The following DNM1L variants were observed in gnomAD, a reference collection of about 807,000 sequenced individuals.
DNM1L encodes the protein dynamin 1L, also known as dynamin-1-like protein.
DNM1L carries 33 observed loss-of-function variants against 92.8 expected under a neutral mutation model. The observed-to-expected ratio is 0.36, with a 90% CI of 0.27 to 0.48. The LOEUF is 0.48. Ranked by LOEUF, DNM1L falls within the 20% of genes least tolerant of loss-of-function variation. DNM1L has a pLI of 0.99. For synonymous variants in DNM1L, 284 were observed against 305.0 expected (o/e 0.93, Z 0.72); for missense variants, 485 against 888.8 (o/e 0.55, Z 5.78).
At chr12:32,716,764 A>ATATG (rs1467859341) in intron 6 of DNM1L, among the ~76,000 whole-genome samples, 3 of 146,226 alleles carry the variant, frequency 2.1e-5, no homozygotes, top group Non-Finnish European at 4.5e-5. Context: ...ATATATATAT[A>ATATG]GTAACTGAAA....
chr12:32,703,161 T>C (rs1952782422), intron 2 of DNM1L, among the ~76,000 whole-genome samples: 1 of 152,044 alleles, frequency 6.6e-6, no homozygotes, highest in Admixed American at 6.6e-5. Context: ...TTTCCTTAGA[T>C]AAAATTGTGC....
At position 32,705,880 on chromosome 12, in the gene DNM1L, T is replaced by TGCTTTTGA. The variant is rs1952903055; in HGVS notation, c.251-1486_251-1479dup. 1.9e-6 allele frequency: 3 copies of TGCTTTTGA among 1,597,200 alleles called. No individual in the cohort carries two copies. The African/African-American group carries it at 4.0e-5, about 21-fold the overall frequency. ...TTTCTAAAGGTTTCCTTTATCCATT[T>TGCTTTTGA]GCTTTTGACCCTTTTTTTCTCTTAT... On this transcript the variant is annotated intron_variant, in intron 2 of 19. Transcript: ENST00000549701.
chr12:32,718,823 C>T (rs1486032023), intron 7 of DNM1L, 60 bp downstream of exon 7: 5 of 1,603,676 alleles, frequency 3.1e-6, no homozygotes, highest in Non-Finnish European at 4.3e-6. Flanking sequence ...GATAAGCATT[C>T]TCACTTCAGA....
At chr12:32,727,261 G>A (rs1252688687) in intron 9 of DNM1L, 2 of 1,455,076 alleles carry the variant, frequency 1.4e-6, no homozygotes, top group Admixed American at 3.3e-5. Flanking sequence ...TCAAGATCGT[G>A]AACTTCCTCA....
At chr12:32,726,782 C>G in intron 9 of DNM1L, 1 of 619,988 alleles carries the variant, frequency 1.6e-6, no homozygotes. Flanking sequence ...CTATCTGGCC[C>G]CCTGTACAAC....
chr12:32,695,379 CA>C (rs2137269317), intron 1 of DNM1L, among the ~76,000 whole-genome samples: 1 of 152,106 alleles, frequency 6.6e-6, no homozygotes, highest in Admixed American at 6.5e-5. Context: ...GATATTAAGA[CA>C]AAAGGCAAGA....
At position 32,739,988 on chromosome 12, in the gene DNM1L, G is replaced by A. The variant is rs527753358; in HGVS notation, c.1708-76G>A. The A allele has an allele frequency of 1.9e-5, 31 of 1,592,176 alleles. 1 individual carries two copies. The African/African-American group carries it at 3.6e-4, about 19-fold the overall frequency. ...GGGTACTGGATGTATATTGACTACT[G>A]TCAAATAAAATGAACTTTGTTTTAG... is the stretch of plus-strand genomic sequence containing the variant. On this transcript the variant is annotated intron_variant, in intron 16 of 19. Transcript: ENST00000549701.
intron 9 of DNM1L, among the ~76,000 whole-genome samples, chr12:32,724,256 T>C (rs1245880692): frequency 1.3e-5 from 2 of 152,008 alleles, no homozygotes; most frequent in African/African-American, 4.8e-5. Flanking sequence ...CCTTGTGAAA[T>C]AGTGCATCCA....
rs1397792652 is a variant in DNM1L at position 32,745,308 on chromosome 12, A to C, written c.*1898A>C. 2 of 226,064 alleles carry C rather than the reference A, an allele frequency of 8.8e-6. No individual in the cohort carries two copies. The highest frequency in any genetic ancestry group is 1.7e-5 in the Non-Finnish European group (2 of 115,640). 14.0% of individuals were successfully genotyped at this position (226,064 alleles called of 1,614,324 possible). A position where few individuals can be genotyped will look rare whatever the true frequency, so the allele number is the denominator to read the frequency against. On this transcript the variant is annotated 3_prime_UTR_variant, in exon 20 of 20. Transcript: ENST00000549701. ...GGAAAAAAAACAAAAACAAAAACTT[A>C]CGATGCACTTTTCTCCAGCACATCA...
At chr12:32,715,467 TCA>T (rs1231763256) in intron 6 of DNM1L, among the ~76,000 whole-genome samples, 3 of 152,028 alleles carry the variant, frequency 2.0e-5, no homozygotes, top group African/African-American at 7.2e-5. Flanking sequence ...GCATGGTGGC[TCA>T]CACTTGTAAT....
At chr12:32,722,768 T>C in intron 9 of DNM1L, 135 bp downstream of exon 9, 1 of 686,076 alleles carries the variant, frequency 1.5e-6, no homozygotes. Context: ...TTTGTAGAGA[T>C]AATAGGATGA....
intron 6 of DNM1L, 59 bp from the exon 7 acceptor site, chr12:32,718,584 G>A: frequency 1.2e-6 from 2 of 1,602,690 alleles, no homozygotes; most frequent in Non-Finnish European, 1.7e-6. Context: ...CTAAATAGTT[G>A]TATTTAATGG....
In DNM1L at chr12:32,740,448, C is replaced by T. The variant is rs1402323944; in HGVS notation, c.1924C>T (p.Arg642Ter). Residue 642 changes from arginine to a stop codon, truncating the protein, a stop_gained, in exon 18 of 20, where the codon CGA becomes TGA. Transcript: ENST00000549701. LOFTEE classifies it high-confidence loss of function. ...VARKLSAREQ[R>*]DCEVIERLIK... ...ACGAAAACTATCTGCTCGGGAACAG[C>T]GAGATTGTGAGGTTATTGAACGACT... The T allele has an allele frequency of 2.5e-6, 4 of 1,613,834 alleles. No individual in the cohort carries two copies. The highest frequency in any genetic ancestry group is 1.7e-5 in the Admixed American group (1 of 59,982).
rs780252977 is a variant in DNM1L at position 32,713,364 on chromosome 12, T to G, written c.612T>G (p.Asp204Glu). 1 of 1,613,894 alleles carries G rather than the reference T, an allele frequency of 6.2e-7. No individual in the cohort carries two copies. The highest frequency in any genetic ancestry group is 1.7e-5 in the Admixed American group (1 of 60,014). The change falls in exon 6 of 20, where the codon GAT (aspartate) becomes GAG (glutamate). Residue 204 changes from aspartate (D) to glutamate (E), a missense_variant. This residue lies in a region of DNM1L where 159 missense variants were observed against 275.9 expected (regional missense o/e 0.58). Transcript: ENST00000549701. ...CACTTAAAATTTCAAGAGAGGTAGA[T>G]CCAGATGGTAAGGACAGATGTTAAT... is the stretch of plus-strand genomic sequence containing the variant. ...SEALKISREV[D>E]PDGRRTLAVI...
Position 32,726,784 on chromosome 12 carries a change from CT to C in DNM1L, c.1079+4152del, listed in dbSNP as rs1185478513. On this transcript the variant is annotated intron_variant, in intron 9 of 19. Transcript: ENST00000549701. ...CCTTTTTTCCAATCTATCTGGCCCC[CT>C]GTACAACCCATAATTTCTTGTCCAT... is the stretch of plus-strand genomic sequence containing the variant. The C allele has an allele frequency of 6.6e-5, 41 of 620,366 alleles. No homozygotes were observed. In the East Asian group the frequency reaches 1.0e-3, roughly 16 times the overall value. The allele number at this position is 620,366 out of a possible 1,614,324, so 38.4% of individuals were successfully genotyped here. A position where few individuals can be genotyped will look rare whatever the true frequency, so the allele number is the denominator to read the frequency against.
At chr12:32,717,366 ATATATATACTATATATAATAT>A (rs1953481284) in intron 6 of DNM1L, among the ~76,000 whole-genome samples, 1 of 63,356 alleles carries the variant, frequency 1.6e-5, no homozygotes, top group African/African-American at 7.3e-5. Flanking sequence ...AGTATATATA[ATATATATACTATATATAATAT>A]ATAGTATATA....
Position 32,701,173 on chromosome 12 carries a change from G to A in DNM1L, c.103-242G>A, listed in dbSNP as rs1280703359. 9.2e-5 allele frequency among the ~76,000 whole-genome samples: 14 copies of A among 152,086 alleles called. 1 individual carries two copies. The highest frequency in any genetic ancestry group is 8.5e-4 in the Admixed American group (13 of 15,262). ...CGCCTGTAATCCCAGCTACTTGGGAGGTTGAGGCAGGAGAATCGCTTGAAC... is the reference window on the plus strand; with the variant it reads ...CGCCTGTAATCCCAGCTACTTGGGAAGTTGAGGCAGGAGAATCGCTTGAAC... On this transcript the variant is annotated intron_variant, in intron 1 of 19. Coordinates refer to ENST00000549701, the MANE Select transcript of DNM1L (RefSeq NM_012062.5).
chr12:32,726,302 A>G, intron 9 of DNM1L: 1 of 1,245,366 alleles, frequency 8.0e-7, no homozygotes, highest in South Asian at 1.2e-5. Context: ...AGAAAATACA[A>G]AAACATAAGG....
Position 32,740,458 on chromosome 12 carries a change from AGGTTATT to A in DNM1L, c.1936_1942del (p.Val646AsnfsTer23). The A allele has an allele frequency of 6.2e-7, 1 of 1,614,102 alleles. No homozygotes were observed. Among genetic ancestry groups the A allele is most frequent in the Non-Finnish European group, 8.5e-7 (1 of 1,179,988 alleles). ...TCTGCTCGGGAACAGCGAGATTGTG[AGGTTATT>A]GAACGACTCATTAAATCATATTTTC... is the stretch of plus-strand genomic sequence containing the variant. On this transcript the variant is annotated frameshift_variant, in exon 18 of 20. Coordinates refer to ENST00000549701, the MANE Select transcript of DNM1L (RefSeq NM_012062.5). LOFTEE classifies it high-confidence loss of function.
Sources: gnomAD v4.1 joint callset for allele counts (sites outside exome capture counted in the v4.1 genomes callset) on GRCh38, gnomAD v4.1.1 for gene constraint, gnomAD v4.1.1 regional missense constraint, MANE v1.5 for transcripts, NCBI Gene and HGNC (gene_info 2026-07-23, HGNC 2026-07-21) for gene names.